The following GATB variants were observed in gnomAD, a reference collection of about 807,000 sequenced individuals.
The protein encoded by GATB is glutamyl-tRNA(Gln) amidotransferase subunit B, mitochondrial.
In GATB, 39 loss-of-function variants were observed where a neutral mutation model predicts 62.3. The ratio of observed to expected loss-of-function variants is 0.63; its 90% CI spans 0.48 to 0.82. The LOEUF (loss-of-function observed/expected upper bound fraction) is 0.82, where lower values mean the gene tolerates loss of function less well. GATB is among the 40% of genes least tolerant of loss of function. GATB has a pLI of 0.00. For synonymous variants in GATB, 276 were observed against 258.9 expected, an observed-to-expected ratio of 1.07 and a Z score of -0.63; for missense variants, 670 against 684.0, an observed-to-expected ratio of 0.98 and a Z score of 0.23.
At chr4:151,725,622 C>T (rs1296947645) in intron 2 of GATB, among the ~76,000 whole-genome samples, 3 of 152,154 alleles carry the variant, frequency 2.0e-5, no homozygotes, top group Admixed American at 6.5e-5. Context: ...TGTAAATCTA[C>T]ATTAAATACC....
At chr4:151,739,089 A>G (rs1739432448) in intron 2 of GATB, among the ~76,000 whole-genome samples, 1 of 152,276 alleles carries the variant, frequency 6.6e-6, no homozygotes, top group South Asian at 2.1e-4. Context: ...AAAGCTGCAA[A>G]GCATGACAAA....
At chr4:151,676,110 T>C (rs914944172) in intron 11 of GATB, 2 of 152,144 alleles carry the variant, frequency 1.3e-5, no homozygotes, top group Admixed American at 1.3e-4. Flanking sequence ...AAAGGTTACT[T>C]TTCTAGAAAG....
intron 5 of GATB, 40 bp from the exon 6 acceptor site, chr4:151,708,141 G>A: frequency 7.4e-7 from 1 of 1,358,866 alleles, no homozygotes; most frequent in Non-Finnish European, 1.1e-6. Flanking sequence ...GAAATTCTTT[G>A]AGGTGACATA....
intron 9 of GATB, among the ~76,000 whole-genome samples, chr4:151,693,651 G>C (rs914364252): frequency 6.6e-6 from 1 of 152,170 alleles, no homozygotes; most frequent in Non-Finnish European, 1.5e-5. Context: ...TAGGGGTCCA[G>C]GGTCCTGTTT....
Position 151,728,917 on chromosome 4 carries a change from C to T in GATB, c.328-9379G>A, listed in dbSNP as rs557807805. The stretch of plus-strand genomic sequence containing the variant: ...ATATGAATACAGGATCAGGTATGAA[C>T]GAGGCCTATGAATATCAGAAACAAA... On this transcript the variant is annotated intron_variant, in intron 2 of 12. Transcript: ENST00000263985. 7.2e-5 allele frequency among the ~76,000 whole-genome samples: 11 copies of T among 152,268 alleles called. No homozygotes were observed. The East Asian group carries it at 7.7e-4, about 11-fold the overall frequency.
chr4:151,736,535 T>G (rs899993391), intron 2 of GATB, among the ~76,000 whole-genome samples: 2 of 152,208 alleles, frequency 1.3e-5, no homozygotes, highest in Non-Finnish European at 1.5e-5. Flanking sequence ...CATACTGTTG[T>G]GAATACATGC....
intron 9 of GATB, among the ~76,000 whole-genome samples, chr4:151,697,953 G>GTATATATATATATATATATA (rs56231389): frequency 7.4e-5 from 3 of 40,602 alleles, no homozygotes; most frequent in African/African-American, 1.3e-4. Context: ...GTGTGTGTGT[G>GTATATATATATATATATATA]TATATATATA....
intron 8 of GATB, among the ~76,000 whole-genome samples, chr4:151,702,713 G>T (rs1387032531): frequency 6.6e-6 from 1 of 152,176 alleles, no homozygotes; most frequent in Non-Finnish European, 1.5e-5. Flanking sequence ...ACCATTGCAT[G>T]TAATCTTATG....
At chr4:151,699,922 G>A (rs1421087194) in intron 9 of GATB, among the ~76,000 whole-genome samples, 1 of 152,112 alleles carries the variant, frequency 6.6e-6, no homozygotes, top group African/African-American at 2.4e-5. Context: ...AGTGGAGGGA[G>A]GTAACTTAAA....
chr4:151,736,079 T>C (rs954832012), intron 2 of GATB, among the ~76,000 whole-genome samples: 2 of 152,172 alleles, frequency 1.3e-5, no homozygotes, highest in Non-Finnish European at 2.9e-5. Context: ...TTCCATTCAC[T>C]GCTGCTGAAA....
chr4:151,722,035 A>G (rs1466632676), intron 2 of GATB: 1 of 600,862 alleles, frequency 1.7e-6, no homozygotes, highest in Non-Finnish European at 2.9e-6. Context: ...AGCATCAGTC[A>G]TCACACGTTA....
rs1739262604 is a variant in GATB at position 151,731,856 on chromosome 4, A to G, written c.328-12318T>C. Reference sequence around the variant, plus strand: ...CTGCCCGGCAGCCGCCCCATCTGAGAAGTGAGGAGCCCCTCCGCCCGGCAG... The same window carrying G: ...CTGCCCGGCAGCCGCCCCATCTGAGGAGTGAGGAGCCCCTCCGCCCGGCAG... On this transcript the variant is annotated intron_variant, in intron 2 of 12. Transcript: ENST00000263985. 2.0e-5 allele frequency among the ~76,000 whole-genome samples: 3 copies of G among 150,394 alleles called. No homozygotes were observed. In the South Asian group the frequency reaches 6.4e-4, roughly 32 times the overall value.
chr4:151,724,994 CTT>C (rs779289427), intron 2 of GATB, among the ~76,000 whole-genome samples: 14 of 152,210 alleles, frequency 9.2e-5, no homozygotes, highest in Admixed American at 4.6e-4. Context: ...GGAAACCACT[CTT>C]TTAACACAGA....
chr4:151,704,008 A>C (rs1738658045), intron 7 of GATB, 113 bp from the exon 8 acceptor site: 1 of 679,162 alleles, frequency 1.5e-6, no homozygotes, highest in Non-Finnish European at 2.6e-6. Flanking sequence ...AACTCTGTGG[A>C]CTTCCATGGG....
At chr4:151,711,817 C>T (rs6832902) in intron 5 of GATB, among the ~76,000 whole-genome samples, 19,951 of 152,110 alleles carry the variant, frequency 0.13, 1,461 homozygotes, top group African/African-American at 0.19. Flanking sequence ...TCTTATTGAG[C>T]GACGAATGCC....
chr4:151,729,315 G>C (rs902890667), intron 2 of GATB, among the ~76,000 whole-genome samples: 1 of 151,710 alleles, frequency 6.6e-6, no homozygotes, highest in Non-Finnish European at 1.5e-5. Flanking sequence ...GAGAAAGAGA[G>C]GAAAGGAAAG....
intron 11 of GATB, among the ~76,000 whole-genome samples, chr4:151,679,044 C>T (rs945562045): frequency 2.0e-5 from 3 of 152,082 alleles, no homozygotes; most frequent in African/African-American, 7.2e-5. Flanking sequence ...TACAGGTGCC[C>T]GCTGCCACAC....
At chr4:151,718,112 G>T (rs1399480190) in intron 3 of GATB, among the ~76,000 whole-genome samples, 1 of 152,150 alleles carries the variant, frequency 6.6e-6, no homozygotes, top group African/African-American at 2.4e-5. Context: ...CGACCTCAAA[G>T]GTTTCCGATT....
chr4:151,680,292 A>AC (rs1165487423), intron 10 of GATB, among the ~76,000 whole-genome samples: 2 of 151,496 alleles, frequency 1.3e-5, no homozygotes, highest in Non-Finnish European at 2.9e-5. Flanking sequence ...AAAAAAAAAA[A>AC]CCAGCTAACA....
Sources: allele counts gnomAD v4.1 joint callset (sites outside exome capture counted in the v4.1 genomes callset), GRCh38; gene constraint gnomAD v4.1.1; transcripts MANE v1.5; gene names NCBI Gene and HGNC (gene_info 2026-07-23, HGNC 2026-07-21).